The following CRADD variants were observed in gnomAD, a reference collection of about 807,000 sequenced individuals.
CRADD encodes the protein CARD and death domain containing adaptor protein, also known as death domain-containing protein CRADD.
CRADD carries 9 observed loss-of-function variants against 15.5 expected under a neutral mutation model. The ratio of observed to expected loss-of-function variants is 0.58; its 90% CI spans 0.35 to 1.01. CRADD has a LOEUF of 1.01. Ranked by LOEUF, CRADD falls within the 50% of genes least tolerant of loss-of-function variation. The pLI is 0.02. For synonymous variants in CRADD, 118 were observed against 107.6 expected (o/e 1.10, Z -0.60); for missense variants, 227 against 250.3 (o/e 0.91, Z 0.63).
chr12:93,738,129 A>C (rs1956608684), intron 2 of CRADD: 1 of 588,708 alleles, frequency 1.7e-6, no homozygotes. Flanking sequence ...TGCAAAGGGC[A>C]GTCATGTTCT....
intron 2 of CRADD, among the ~76,000 whole-genome samples, chr12:93,688,969 G>A (rs533198812): frequency 1.3e-5 from 2 of 152,150 alleles, no homozygotes; most frequent in Non-Finnish European, 2.9e-5. Flanking sequence ...TTCCTGGTTG[G>A]TATCTCTCTC....
intron 2 of CRADD, among the ~76,000 whole-genome samples, chr12:93,689,893 G>A (rs78468551): frequency 6.6e-6 from 1 of 152,170 alleles, no homozygotes; most frequent in Non-Finnish European, 1.5e-5. Flanking sequence ...ACTATAGAAG[G>A]TTAGAGTTGG....
At chr12:93,834,372 T>C (rs1593029510) in intron 2 of CRADD, among the ~76,000 whole-genome samples, 1 of 152,104 alleles carries the variant, frequency 6.6e-6, no homozygotes, top group African/African-American at 2.4e-5. Context: ...TGTTTTCACA[T>C]AGTCAAGTAT....
At chr12:93,781,774 C>G (rs1399522735) in intron 2 of CRADD, among the ~76,000 whole-genome samples, 2 of 152,218 alleles carry the variant, frequency 1.3e-5, no homozygotes, top group South Asian at 2.1e-4. Context: ...ATGCTAAACA[C>G]CACTACAAGG....
At chr12:93,847,899 T>C (rs1226313458) in intron 2 of CRADD, among the ~76,000 whole-genome samples, 1 of 152,240 alleles carries the variant, frequency 6.6e-6, no homozygotes, top group Non-Finnish European at 1.5e-5. Context: ...TGTTAACTTG[T>C]AACCGCTGGT....
At chr12:93,735,958 G>A (rs1419293413) in intron 2 of CRADD, among the ~76,000 whole-genome samples, 4 of 151,948 alleles carry the variant, frequency 2.6e-5, no homozygotes, top group East Asian at 1.9e-4. Flanking sequence ...GTAGGAGGCC[G>A]AGGTGGGATG....
At chr12:93,712,810 T>A (rs957662242) in intron 2 of CRADD, among the ~76,000 whole-genome samples, 1 of 152,176 alleles carries the variant, frequency 6.6e-6, no homozygotes, top group Admixed American at 6.5e-5. Context: ...ATTAAAAGGA[T>A]GATTTGTGAA....
chr12:93,681,796 T>C (rs931619890), intron 2 of CRADD, among the ~76,000 whole-genome samples: 13 of 152,308 alleles, frequency 8.5e-5, no homozygotes, highest in Non-Finnish European at 1.5e-4. Flanking sequence ...TATAGTTTCC[T>C]ATCTCCTAAA....
At chr12:93,772,616 A>G (rs1957096428) in intron 2 of CRADD, among the ~76,000 whole-genome samples, 1 of 152,216 alleles carries the variant, frequency 6.6e-6, no homozygotes, top group Admixed American at 6.5e-5. Flanking sequence ...ATGATGTTAG[A>G]TTGACTCTTT....
chr12:93,696,747 A>AT (rs1207768074), intron 2 of CRADD, among the ~76,000 whole-genome samples: 1 of 151,898 alleles, frequency 6.6e-6, no homozygotes, highest in Non-Finnish European at 1.5e-5. Flanking sequence ...AAATATTTGA[A>AT]AAAAAAAACC....
At chr12:93,759,167 A>T (rs747512674) in intron 2 of CRADD, among the ~76,000 whole-genome samples, 3 of 152,224 alleles carry the variant, frequency 2.0e-5, no homozygotes, top group Non-Finnish European at 4.4e-5. Flanking sequence ...GTTTACTTTT[A>T]GTGGACATGA....
At position 93,810,338 on chromosome 12, in the gene CRADD, C is replaced by T. The variant is rs112251086; in HGVS notation, c.299-39632C>T. ...CCGAGGCGGGCGGATCACCTGAGGT[C>T]GGGAGTTCGAGACCAGCCTGACCAA... is the stretch of plus-strand genomic sequence containing the variant. On this transcript the variant is annotated intron_variant, in intron 2 of 2. Coordinates refer to ENST00000332896, the MANE Select transcript of CRADD (RefSeq NM_003805.5). Among the ~76,000 whole-genome samples the T allele has an allele frequency of 9.5e-3, 1,436 of 151,882 alleles. 8 individuals are homozygous for T. Among genetic ancestry groups the T allele is most frequent in the Middle Eastern group, 0.037 (11 of 294 alleles).
At chr12:93,784,726 AT>A (rs1386255453) in intron 2 of CRADD, among the ~76,000 whole-genome samples, 2 of 152,116 alleles carry the variant, frequency 1.3e-5, no homozygotes, top group African/African-American at 4.8e-5. Context: ...TCCCAGAGTG[AT>A]TTACTGTCCA....
chr12:93,757,024 T>G (rs1592964513), intron 2 of CRADD, among the ~76,000 whole-genome samples: 2 of 152,358 alleles, frequency 1.3e-5, no homozygotes, highest in Non-Finnish European at 2.9e-5. Flanking sequence ...TGAGTGAAAT[T>G]TTCATTTAAG....
Position 93,718,064 on chromosome 12 carries a change from C to G in CRADD, c.298+38992C>G, listed in dbSNP as rs187692814. On this transcript the variant is annotated intron_variant, in intron 2 of 2. Coordinates refer to ENST00000332896, the MANE Select transcript of CRADD (RefSeq NM_003805.5). ...TCTGTTCTTCTACCGATATCACACT[C>G]TCTTGATGACTGTAGCTGTACATTA... Among the ~76,000 whole-genome samples, 131 of 152,316 alleles carry G rather than the reference C, an allele frequency of 8.6e-4. 1 individual carries two copies. The highest frequency in any genetic ancestry group is 2.7e-3 in the African/African-American group (111 of 41,562).
chr12:93,693,643 T>C (rs930655123), intron 2 of CRADD, among the ~76,000 whole-genome samples: 1 of 151,982 alleles, frequency 6.6e-6, no homozygotes, highest in Admixed American at 6.6e-5. Flanking sequence ...AATATAGTAA[T>C]AGTAGAGAAC....
rs1374434169 is a variant in CRADD, at chr12:93,758,330, A to T, written c.298+79258A>T. Among the ~76,000 whole-genome samples, 3 of 152,222 alleles carry T rather than the reference A, an allele frequency of 2.0e-5. No homozygotes were observed. The East Asian group carries it at 5.8e-4, about 29-fold the overall frequency. On this transcript the variant is annotated intron_variant, in intron 2 of 2. Coordinates refer to ENST00000332896, the MANE Select transcript of CRADD (RefSeq NM_003805.5). Reference sequence around the variant, plus strand: ...GCTATTCTTACTATGTTGTTTATCAAACAAAGATAATTTGGGGGCTTGTGT... The same window carrying T: ...GCTATTCTTACTATGTTGTTTATCATACAAAGATAATTTGGGGGCTTGTGT...
chr12:93,843,218 C>G (rs1001974712), intron 2 of CRADD, among the ~76,000 whole-genome samples: 1 of 152,104 alleles, frequency 6.6e-6, no homozygotes, highest in Non-Finnish European at 1.5e-5. Flanking sequence ...ACTGGAGAAG[C>G]TCTGTACAGC....
chr12:93,814,864 TA>T lies in CRADD; in HGVS notation c.299-35098del, dbSNP rs1044800427. ...ATCATGTATATGTACAATGTTTTCT[TA>T]AAAAAAATTACCATTCCTAGATCTA... On this transcript the variant is annotated intron_variant, in intron 2 of 2. Coordinates refer to ENST00000332896, the MANE Select transcript of CRADD (RefSeq NM_003805.5). Among the ~76,000 whole-genome samples the T allele has an allele frequency of 3.3e-5, 5 of 152,242 alleles. No homozygotes were observed. The East Asian group carries it at 7.7e-4, about 23-fold the overall frequency.
Sources: gnomAD v4.1 joint callset for allele counts (sites outside exome capture counted in the v4.1 genomes callset) on GRCh38, gnomAD v4.1.1 for gene constraint, MANE v1.5 for transcripts, NCBI Gene and HGNC (gene_info 2026-07-23, HGNC 2026-07-21) for gene names.